Variants in BAIAP2 observed in about 807,000 individuals in gnomAD.
The protein encoded by BAIAP2 is BAR/IMD domain containing adaptor protein 2, also known as BAR/IMD domain-containing adapter protein 2.
BAIAP2 carries 18 observed loss-of-function variants against 63.0 expected under a neutral mutation model. The observed-to-expected ratio is 0.29, with a 90% CI of 0.20 to 0.42. The LOEUF (loss-of-function observed/expected upper bound fraction) is 0.42. Among genes scored for constraint, BAIAP2 ranks in the 10% least tolerant of loss-of-function variants. The pLI is 1.00. For missense variants in BAIAP2, 610 were observed against 734.3 expected (o/e 0.83, Z 1.96); for synonymous variants, 386 against 307.6 (o/e 1.25, Z -2.67).
intron 13 of BAIAP2, chr17:81,109,180 C>G (rs2059568805): frequency 1.4e-6 from 2 of 1,414,068 alleles, no homozygotes; most frequent in South Asian, 1.5e-5. Flanking sequence ...GGTGCTGCTC[C>G]ATCCGCCCCC....
intron 13 of BAIAP2, among the ~76,000 whole-genome samples, chr17:81,115,229 G>T (rs1268540175): frequency 6.6e-6 from 1 of 152,256 alleles, no homozygotes; most frequent in Non-Finnish European, 1.5e-5. Flanking sequence ...GGGATGGCCA[G>T]CTGCTCTGCA....
Position 81,116,571 on chromosome 17 carries a change from C to T in BAIAP2, c.*732C>T, listed in dbSNP as rs2060548903. On this transcript the variant is annotated 3_prime_UTR_variant, in exon 14 of 14. Coordinates refer to ENST00000428708, the MANE Select transcript of BAIAP2 (RefSeq NM_001144888.2). ...GCTGTCAGGTGCTATGCGGGGTCACCAGCAGAGTGCCCGCTGGCAGGTGGG... is the reference window on the plus strand; with the variant it reads ...GCTGTCAGGTGCTATGCGGGGTCACTAGCAGAGTGCCCGCTGGCAGGTGGG... The T allele has an allele frequency of 3.9e-6, 2 of 509,414 alleles. No individual in the cohort carries two copies. The highest frequency in any genetic ancestry group is 3.5e-6 in the Non-Finnish European group (1 of 282,874). The allele number at this position is 509,414 out of a possible 1,614,324, so 31.6% of individuals were successfully genotyped here.
intron 6 of BAIAP2, among the ~76,000 whole-genome samples, chr17:81,096,519 G>A (rs566926502): frequency 3.3e-5 from 5 of 152,264 alleles, no homozygotes; most frequent in African/African-American, 7.2e-5. Context: ...CCCTGCAGGC[G>A]GCCTTGGAAC....
At chr17:81,035,722 G>A (rs1481161412) in intron 1 of BAIAP2, among the ~76,000 whole-genome samples, 2 of 151,944 alleles carry the variant, frequency 1.3e-5, no homozygotes, top group African/African-American at 4.8e-5. Flanking sequence ...CGGCGGGGGC[G>A]GCGGGCCCAG....
chr17:81,055,830 GC>G (rs771150079), intron 2 of BAIAP2, among the ~76,000 whole-genome samples: 10 of 151,954 alleles, frequency 6.6e-5, no homozygotes, highest in Non-Finnish European at 1.0e-4. Context: ...CTCCCAAAGT[GC>G]CTAGGATTAC....
At chr17:81,056,488 C>T (rs2049581140) in intron 2 of BAIAP2, 1 of 152,232 alleles carries the variant, frequency 6.6e-6, no homozygotes, top group South Asian at 2.1e-4. Flanking sequence ...GTGTGGGTTT[C>T]TTCCCCGTCG....
intron 1 of BAIAP2, among the ~76,000 whole-genome samples, chr17:81,038,208 A>G (rs2046560983): frequency 6.6e-6 from 1 of 152,228 alleles, no homozygotes; most frequent in Non-Finnish European, 1.5e-5. Context: ...GGCCTTTGGA[A>G]TTAAGGCTAC....
At position 81,068,834 on chromosome 17, in the gene BAIAP2, C is replaced by T. The variant is rs547660618; in HGVS notation, c.217+10867C>T. Among the ~76,000 whole-genome samples, 8 of 152,320 alleles carry T rather than the reference C, an allele frequency of 5.3e-5. No homozygotes were observed. The South Asian group carries it at 1.7e-3, about 32-fold the overall frequency. On this transcript the variant is annotated intron_variant, in intron 3 of 13. Coordinates refer to ENST00000428708, the MANE Select transcript of BAIAP2 (RefSeq NM_001144888.2). ...TTGCCAGTGTCTCTGTCCAGCCTTGCGTTCCTGGCTGTGGGAGGTGCCAGT... is the reference window on the plus strand; with the variant it reads ...TTGCCAGTGTCTCTGTCCAGCCTTGTGTTCCTGGCTGTGGGAGGTGCCAGT...
At chr17:81,057,458 C>T in intron 2 of BAIAP2, 1 of 166,090 alleles carries the variant, frequency 6.0e-6, no homozygotes. Flanking sequence ...TCTCCCACTC[C>T]AGGCTCAGCT....
intron 13 of BAIAP2, chr17:81,109,554 C>T (rs1373317071): frequency 1.0e-6 from 1 of 985,202 alleles, no homozygotes; most frequent in Non-Finnish European, 1.2e-6. Context: ...CCGCCCCGGC[C>T]CCTGTGGAGG....
At chr17:81,062,631 T>G (rs2050763685) in intron 3 of BAIAP2, among the ~76,000 whole-genome samples, 1 of 152,076 alleles carries the variant, frequency 6.6e-6, no homozygotes, top group Admixed American at 6.5e-5. Flanking sequence ...TTCTGGGTCC[T>G]GTGTCTTTAC....
At chr17:81,089,060 G>A (rs1568145453) in intron 6 of BAIAP2, among the ~76,000 whole-genome samples, 1 of 152,264 alleles carries the variant, frequency 6.6e-6, no homozygotes, top group Non-Finnish European at 1.5e-5. Context: ...TGCCCTCCGC[G>A]CTGCTCTGCC....
intron 3 of BAIAP2, among the ~76,000 whole-genome samples, chr17:81,061,414 C>G (rs74002037): frequency 0.011 from 1,667 of 152,252 alleles, 37 homozygotes; most frequent in African/African-American, 0.039. Flanking sequence ...GTCCGTCTCT[C>G]GAAGAGTCCT....
chr17:81,043,892 C>T (rs1448228625), intron 1 of BAIAP2, among the ~76,000 whole-genome samples: 1 of 152,258 alleles, frequency 6.6e-6, no homozygotes, highest in Non-Finnish European at 1.5e-5. Context: ...GCCGCGGGGT[C>T]TCTGTTTTCT....
intron 1 of BAIAP2, chr17:81,036,743 C>T: frequency 3.5e-6 from 3 of 859,910 alleles, no homozygotes; most frequent in Non-Finnish European, 1.8e-6. Flanking sequence ...GGTTTGGTTT[C>T]ACAGAGTCTG....
At chr17:81,066,832 C>CCAGCCTCCTCCTGCAGGTGGAGGCCG (rs1232989467) in intron 3 of BAIAP2, among the ~76,000 whole-genome samples, 5 of 152,196 alleles carry the variant, frequency 3.3e-5, no homozygotes, top group Admixed American at 6.5e-5. Flanking sequence ...CCCATGTGTC[C>CCAGCCTCCTCCTGCAGGTGGAGGCCG]CAGCCTCCTC....
chr17:81,082,824 G>C (rs1343350836), intron 3 of BAIAP2, among the ~76,000 whole-genome samples: 1 of 152,240 alleles, frequency 6.6e-6, no homozygotes, highest in Non-Finnish European at 1.5e-5. Flanking sequence ...GCTGACCCGG[G>C]AGGAGGGCAT....
At chr17:81,076,476 T>A (rs1466494265) in intron 3 of BAIAP2, 1 of 152,172 alleles carries the variant, frequency 6.6e-6, no homozygotes, top group Non-Finnish European at 1.5e-5. Flanking sequence ...CAGGAGACAT[T>A]TCGGCTATAA....
At chr17:81,088,533 A>G (rs2056125930) in intron 6 of BAIAP2, among the ~76,000 whole-genome samples, 1 of 152,190 alleles carries the variant, frequency 6.6e-6, no homozygotes, top group Non-Finnish European at 1.5e-5. Flanking sequence ...TGGCCCCACC[A>G]GTCACCAGCC....
Sources: allele counts gnomAD v4.1 joint callset (sites outside exome capture counted in the v4.1 genomes callset), GRCh38; gene constraint gnomAD v4.1.1; transcripts MANE v1.5; gene names NCBI Gene and HGNC (gene_info 2026-07-23, HGNC 2026-07-21).